Variants in MYO5A observed in about 807,000 individuals in gnomAD.
The protein encoded by MYO5A is myosin VA.
MYO5A carries 98 observed loss-of-function variants against 249.7 expected under a neutral mutation model. The ratio of observed to expected loss-of-function variants is 0.39; its 90% CI spans 0.33 to 0.46. The LOEUF (loss-of-function observed/expected upper bound fraction) is 0.46. Ranked by LOEUF, MYO5A falls within the 20% of genes least tolerant of loss-of-function variation. MYO5A has a pLI of 0.98. For missense variants in MYO5A, 1,696 were observed against 2,308.8 expected, an observed-to-expected ratio of 0.73 and a Z score of 5.44; for synonymous variants, 778 against 810.6, an observed-to-expected ratio of 0.96 and a Z score of 0.68.
At chr15:52,371,878 GTAATAATAATAATAATAATAATAATAA>G (rs36207943) in intron 21 of MYO5A, among the ~76,000 whole-genome samples, 1 of 143,112 alleles carries the variant, frequency 7.0e-6, no homozygotes, top group African/African-American at 2.5e-5. Context: ...TCAAATAATA[GTAATAATAATAATAATAATAATAATAA>G]TAATAATAAT....
chr15:52,477,157 C>G (rs11855398), intron 1 of MYO5A, among the ~76,000 whole-genome samples: 22,868 of 152,158 alleles, frequency 0.15, 1,833 homozygotes, highest in Middle Eastern at 0.22. Flanking sequence ...TTCAATCACT[C>G]ATATCCTTTC....
At chr15:52,334,735 G>C (rs974229760) in intron 34 of MYO5A, among the ~76,000 whole-genome samples, 21 of 152,116 alleles carry the variant, frequency 1.4e-4, no homozygotes, top group African/African-American at 4.3e-4. Flanking sequence ...AAAGCAAAGG[G>C]AAACAGAGAT....
intron 27 of MYO5A, among the ~76,000 whole-genome samples, chr15:52,352,617 T>TA (rs1051471168): frequency 1.3e-5 from 2 of 151,630 alleles, no homozygotes; most frequent in Non-Finnish European, 2.9e-5. Flanking sequence ...CCGTCTCTAC[T>TA]AAAAAAATAC....
intron 6 of MYO5A, among the ~76,000 whole-genome samples, chr15:52,409,654 C>T (rs1015910235): frequency 3.3e-5 from 5 of 152,122 alleles, no homozygotes; most frequent in Non-Finnish European, 7.3e-5. Flanking sequence ...GCTAATGAAA[C>T]CCAAATCTCA....
At position 52,337,887 on chromosome 15, in the gene MYO5A, G is replaced by GA; in HGVS notation, c.4240-4dup. 1 of 1,529,802 alleles carries GA rather than the reference G, an allele frequency of 6.5e-7. No homozygotes were observed. Among genetic ancestry groups the GA allele is most frequent in the Middle Eastern group, 1.7e-4 (1 of 5,916 alleles). The allele number at this position is 1,529,802 out of a possible 1,614,324, so 94.8% of individuals were successfully genotyped here. On this transcript the variant is annotated splice_polypyrimidine_tract_variant and splice_region_variant and intron_variant, in intron 32 of 41. Coordinates refer to ENST00000399233, the MANE Select transcript of MYO5A (RefSeq NM_001382347.1). ...TCTGCATATAATTCCTCAAAATACTGAAAAAACAGGCACAATGGATATTTG... is the reference window on the plus strand; with the variant it reads ...TCTGCATATAATTCCTCAAAATACTGAAAAAAACAGGCACAATGGATATTTG...
chr15:52,453,322 C>T (rs1371466994), intron 1 of MYO5A, among the ~76,000 whole-genome samples: 5 of 151,942 alleles, frequency 3.3e-5, no homozygotes, highest in African/African-American at 4.8e-5. Context: ...CTTAGAATAC[C>T]ATATCCAACA....
chr15:52,349,020 T>C lies in MYO5A; in HGVS notation c.3850-194A>G, dbSNP rs992137965. On this transcript the variant is annotated intron_variant, in intron 28 of 41. Coordinates refer to ENST00000399233, the MANE Select transcript of MYO5A (RefSeq NM_001382347.1). ...AACTGTCATAAAACAGAGACTAATA[T>C]ATATTTATATGTTGACAACTTCTAT... Among the ~76,000 whole-genome samples, 15 of 152,200 alleles carry C rather than the reference T, an allele frequency of 9.9e-5. 1 individual carries two copies. Among genetic ancestry groups the C allele is most frequent in the Non-Finnish European group, 2.2e-4 (15 of 68,032 alleles).
intron 1 of MYO5A, among the ~76,000 whole-genome samples, chr15:52,484,233 T>C (rs2076773098): frequency 6.6e-6 from 1 of 152,224 alleles, no homozygotes; most frequent in South Asian, 2.1e-4. Context: ...GCATTACATT[T>C]TCCTGAAAAT....
At chr15:52,449,104 G>T (rs2075961373) in intron 1 of MYO5A, among the ~76,000 whole-genome samples, 1 of 151,172 alleles carries the variant, frequency 6.6e-6, no homozygotes, top group South Asian at 2.1e-4. Context: ...GAGTACCTTG[G>T]ATTACAGGCA....
At chr15:52,377,696 G>C (rs866184002) in intron 18 of MYO5A, among the ~76,000 whole-genome samples, 8 of 151,022 alleles carry the variant, frequency 5.3e-5, no homozygotes, top group Admixed American at 1.3e-4. Flanking sequence ...TCAGCCCCCT[G>C]AGTAGCTGGG....
intron 31 of MYO5A, 80 bp downstream of exon 31, chr15:52,343,037 A>G: frequency 1.8e-6 from 2 of 1,103,220 alleles, no homozygotes; most frequent in East Asian, 2.3e-5. Flanking sequence ...CAAGAAATAC[A>G]GGGGTGAAAG....
At chr15:52,331,907 T>C in intron 34 of MYO5A, 1 of 968,264 alleles carries the variant, frequency 1.0e-6, no homozygotes, top group Non-Finnish European at 1.2e-6. Flanking sequence ...GTTTTTCATA[T>C]GCATGATCCA....
chr15:52,345,473 T>C (rs2039575624), intron 30 of MYO5A, among the ~76,000 whole-genome samples: 1 of 151,526 alleles, frequency 6.6e-6, no homozygotes, highest in Non-Finnish European at 1.5e-5. Flanking sequence ...TAATCCCAGC[T>C]ACTCGAGAGG....
intron 22 of MYO5A, among the ~76,000 whole-genome samples, chr15:52,369,494 C>T (rs187584197): frequency 3.3e-5 from 5 of 152,224 alleles, no homozygotes; most frequent in East Asian, 3.9e-4. Context: ...AAATTTGAAG[C>T]GTGCAAGTAC....
intron 33 of MYO5A, 46 bp from the exon 34 acceptor site, chr15:52,336,602 T>C: frequency 7.4e-7 from 1 of 1,342,318 alleles, no homozygotes. Flanking sequence ...GAAACAGGCC[T>C]TCTAAAATGC....
chr15:52,478,565 C>T (rs557641940), intron 1 of MYO5A, among the ~76,000 whole-genome samples: 7 of 152,188 alleles, frequency 4.6e-5, no homozygotes, highest in Admixed American at 1.3e-4. Context: ...TTCCCCTCTC[C>T]AGACATTTTT....
intron 1 of MYO5A, chr15:52,435,527 T>C (rs961592132): frequency 2.5e-6 from 1 of 401,628 alleles, no homozygotes; most frequent in African/African-American, 2.1e-5. Flanking sequence ...TCCACCCGCC[T>C]TGGCCTCTCA....
chr15:52,352,380 T>C (rs2039998323), intron 27 of MYO5A, among the ~76,000 whole-genome samples: 1 of 152,252 alleles, frequency 6.6e-6, no homozygotes, highest in African/African-American at 2.4e-5. Context: ...ACACAAGGCC[T>C]GATGATACTG....
intron 27 of MYO5A, 27 bp downstream of exon 27, chr15:52,353,578 A>C: frequency 1.9e-6 from 3 of 1,606,938 alleles, no homozygotes; most frequent in Non-Finnish European, 2.6e-6. Flanking sequence ...AAAATATTCA[A>C]AGTCTTGAGC....
Sources: gnomAD v4.1 joint callset for allele counts (sites outside exome capture counted in the v4.1 genomes callset) on GRCh38, gnomAD v4.1.1 for gene constraint, MANE v1.5 for transcripts, NCBI Gene and HGNC (gene_info 2026-07-23, HGNC 2026-07-21) for gene names.